The following UBR4 variants were observed in gnomAD, a reference collection of about 807,000 sequenced individuals.
The protein encoded by UBR4 is ubiquitin protein ligase E3 component n-recognin 4, also known as E3 ubiquitin-protein ligase UBR4.
In UBR4, 124 loss-of-function variants were observed where a neutral mutation model predicts 575.6. The observed-to-expected ratio is 0.22, with a 90% CI of 0.19 to 0.25. UBR4 has a LOEUF of 0.25. UBR4 is among the 10% of genes least tolerant of loss of function. UBR4 has a pLI of 1.00. For synonymous variants in UBR4, 2,455 were observed against 2,473.7 expected (o/e 0.99, Z 0.22); for missense variants, 4,818 against 6,478.8 (o/e 0.74, Z 8.80).
chr1:19,086,930 AG>A, intron 99 of UBR4, 109 bp from the exon 100 acceptor site: 14 of 1,466,678 alleles, frequency 9.5e-6, no homozygotes, highest in Non-Finnish European at 1.3e-5. Flanking sequence ...CTTGGGTTTC[AG>A]GTTGCTCTCA....
In UBR4 at chr1:19,117,492, A is replaced by T; in HGVS notation, c.10630-78T>A. On this transcript the variant is annotated intron_variant, in intron 72 of 105. Transcript: ENST00000375254. The surrounding 1 kb of genome is among the most constrained non-coding windows in gnomAD (Gnocchi z 4.0). Reference sequence around the variant, plus strand: ...TTTTAAAAATTCATCAGTGTAACCCACTCTTCATCCACAAGATGAAGTTTC... The same window carrying T: ...TTTTAAAAATTCATCAGTGTAACCCTCTCTTCATCCACAAGATGAAGTTTC... 1.4e-6 allele frequency: 2 copies of T among 1,416,676 alleles called. No individual in the cohort carries two copies. The highest frequency in any genetic ancestry group is 9.7e-7 in the Non-Finnish European group (1 of 1,030,042). 87.8% of individuals were successfully genotyped at this position (1,416,676 alleles called of 1,614,324 possible). A position where few individuals can be genotyped will look rare whatever the true frequency, so the allele number is the denominator to read the frequency against.
Position 19,160,904 on chromosome 1 carries a change from C to T in UBR4, c.5406+13G>A. On this transcript the variant is annotated intron_variant, in intron 38 of 105. Transcript: ENST00000375254. ...ACTCTGTCTGCTTACTAGGGAGCAT[C>T]AGTCAGCCCCACCTGGTTCTGTAAT... 1 of 1,613,100 alleles carries T rather than the reference C, an allele frequency of 6.2e-7. No homozygotes were observed. The highest frequency in any genetic ancestry group is 8.5e-7 in the Non-Finnish European group (1 of 1,179,206).
At chr1:19,204,841 G>A (rs2151796297) in intron 1 of UBR4, among the ~76,000 whole-genome samples, 1 of 152,272 alleles carries the variant, frequency 6.6e-6, no homozygotes, top group South Asian at 2.1e-4. Flanking sequence ...AAGAAACAGT[G>A]TGCATGAGTC....
In UBR4 at chr1:19,153,056, T is replaced by C. The variant is rs1571190372; in HGVS notation, c.6832+245A>G. Among the ~76,000 whole-genome samples the C allele has an allele frequency of 3.3e-5, 5 of 152,260 alleles. 1 individual carries two copies. The highest frequency in any genetic ancestry group is 3.3e-4 in the Admixed American group (5 of 15,302). ...ATTCTCCTAAACCTAGAGAGAACAA[T>C]CTCTCAAATAAGGTCCAGGACATAA... is the stretch of plus-strand genomic sequence containing the variant. On this transcript the variant is annotated intron_variant, in intron 46 of 105. Transcript: ENST00000375254. This position sits in a 1 kb window ranked among gnomAD's most constrained non-coding sequence, Gnocchi z 4.1.
rs560061402 is a variant in UBR4, at chr1:19,141,493, T to G, written c.8342A>C (p.Asn2781Thr). ...SESMVLETAE[N>T]VNNGNPSPLE... ...GGGAGAGGGGTTGCCATTGTTGACATTTTCAGCTGTCTCCAGGACCATCGA... is the reference window on the plus strand; with the variant it reads ...GGGAGAGGGGTTGCCATTGTTGACAGTTTCAGCTGTCTCCAGGACCATCGA... Residue 2781 changes from asparagine to threonine, a missense_variant, in exon 57 of 106, where the codon AAT becomes ACT. Transcript: ENST00000375254. The G allele has an allele frequency of 6.2e-7, 1 of 1,612,460 alleles. No individual in the cohort carries two copies. The highest frequency in any genetic ancestry group is 1.7e-5 in the Admixed American group (1 of 59,886).
At position 19,126,551 on chromosome 1, in the gene UBR4, G is replaced by A; in HGVS notation, c.9333C>T (p.Ser3111=). The part of the protein sequence containing the change: ...VLKSLLEYWK[S]QQNDEEPVAT... ...CCACAGGCTCCTCGTCATTCTGTTG[G>A]CTCTTCCAATATTCCAGCAGTGATT... The change falls in exon 64 of 106, where the codon AGC becomes AGT. Residue 3111 remains serine (S), a synonymous_variant. Coordinates refer to ENST00000375254, the MANE Select transcript of UBR4 (RefSeq NM_020765.3). 2 of 1,614,190 alleles carry A rather than the reference G, an allele frequency of 1.2e-6. No individual in the cohort carries two copies. The highest frequency in any genetic ancestry group is 1.7e-6 in the Non-Finnish European group (2 of 1,180,018).
intron 81 of UBR4, among the ~76,000 whole-genome samples, chr1:19,107,839 A>G (rs1445875387): frequency 6.6e-6 from 1 of 152,200 alleles, no homozygotes; most frequent in Non-Finnish European, 1.5e-5. Flanking sequence ...TTGTTAATTC[A>G]TTGAAAAAGA....
chr1:19,137,955 G>A, intron 60 of UBR4, 52 bp downstream of exon 60: 1 of 1,427,662 alleles, frequency 7.0e-7, no homozygotes, highest in Non-Finnish European at 9.3e-7. Flanking sequence ...TACTATTCCT[G>A]AAATAGTCTC....
intron 90 of UBR4, among the ~76,000 whole-genome samples, chr1:19,099,007 G>C (rs1329972991): frequency 6.6e-6 from 1 of 152,168 alleles, no homozygotes; most frequent in East Asian, 1.9e-4. Flanking sequence ...AAGAAAGGAG[G>C]GAAAGGTGAA....
rs751677593 is a variant in UBR4 at position 19,081,577 on chromosome 1, G to C, written c.15009-4C>G. Reference sequence around the variant, plus strand: ...TTCTCGGGAAGTTGCTCGGGTTCTAGAAGAAAAGCGGCATGATAAAATAAA... The same window carrying C: ...TTCTCGGGAAGTTGCTCGGGTTCTACAAGAAAAGCGGCATGATAAAATAAA... On this transcript the variant is annotated splice_region_variant and splice_polypyrimidine_tract_variant and intron_variant, in intron 102 of 105. Coordinates refer to ENST00000375254, the MANE Select transcript of UBR4 (RefSeq NM_020765.3). The C allele has an allele frequency of 1.4e-5, 22 of 1,614,002 alleles. 1 individual carries two copies. In the South Asian group the frequency reaches 2.4e-4, roughly 18 times the overall value.
intron 100 of UBR4, 65 bp downstream of exon 100, chr1:19,086,614 C>A (rs538200109): frequency 1.3e-6 from 2 of 1,589,192 alleles, no homozygotes; most frequent in South Asian, 2.3e-5. Flanking sequence ...GGATGGCAGT[C>A]CCACCCGCTC....
At position 19,171,041 on chromosome 1, in the gene UBR4, T is replaced by A. The variant is rs373101792; in HGVS notation, c.3522-158A>T. Reference sequence around the variant, plus strand: ...CCTTCCTGGTCTCTAAGAATTCCAATGGGTAATCATTTCCCAAAGAATGTC... The same window carrying A: ...CCTTCCTGGTCTCTAAGAATTCCAAAGGGTAATCATTTCCCAAAGAATGTC... On this transcript the variant is annotated intron_variant, in intron 25 of 105. Coordinates refer to ENST00000375254, the MANE Select transcript of UBR4 (RefSeq NM_020765.3). Among the ~76,000 whole-genome samples the A allele has an allele frequency of 3.9e-5, 6 of 152,262 alleles. No individual in the cohort carries two copies. The South Asian group carries it at 1.0e-3, about 26-fold the overall frequency.
chr1:19,143,236 C>CAGGCAGGA (rs2084239404), intron 55 of UBR4, among the ~76,000 whole-genome samples: 2 of 83,002 alleles, frequency 2.4e-5, no homozygotes, highest in African/African-American at 4.3e-5. Context: ...GGAAGGAAGG[C>CAGGCAGGA]AGGAAGGAAG....
chr1:19,172,897 A>T lies in UBR4; in HGVS notation c.3488T>A (p.Leu1163Gln). The T allele has an allele frequency of 6.2e-7, 1 of 1,614,224 alleles. No homozygotes were observed. Among genetic ancestry groups the T allele is most frequent in the Non-Finnish European group, 8.5e-7 (1 of 1,180,038 alleles). The change falls in exon 25 of 106, where the codon CTG becomes CAG. Residue 1163 changes from leucine (L) to glutamine (Q), a missense_variant. Physicochemically the swap from Leu to Gln is moderately radical, Grantham distance 113. Around this residue, in one of 29 missense-constraint regions of UBR4, gnomAD observed 1,172 missense variants for 1,259.7 expected, o/e 0.93. Coordinates refer to ENST00000375254, the MANE Select transcript of UBR4 (RefSeq NM_020765.3). ...CGATGCATAGGTGTCAATGAGTTGCAGCGTGGCTGGAAGTAGGTTCTTGGT... is the reference window on the plus strand; with the variant it reads ...CGATGCATAGGTGTCAATGAGTTGCTGCGTGGCTGGAAGTAGGTTCTTGGT... ...EITKNLLPAT[L>Q]QLIDTYASFT...
rs776520734 is a variant in UBR4, at chr1:19,173,543, T to G, written c.3061A>C (p.Asn1021His). The change falls in exon 23 of 106, where the codon AAC becomes CAC. Residue 1021 changes from asparagine (N) to histidine (H), a missense_variant. By Grantham distance (68) the Asn-to-His change is moderately conservative. Around this residue, in one of 29 missense-constraint regions of UBR4, gnomAD observed 1,172 missense variants for 1,259.7 expected, o/e 0.93. Coordinates refer to ENST00000375254, the MANE Select transcript of UBR4 (RefSeq NM_020765.3). ...TCAGGTGAGTTCATGGATAGCTGGT[T>G]AATGTAAGTCTTTGATGGTGGTAAA... ...GILPPSKTYINQLSMNSPEMS... is the reference protein window; with the variant it reads ...GILPPSKTYIHQLSMNSPEMS... 2 of 1,614,174 alleles carry G rather than the reference T, an allele frequency of 1.2e-6. No homozygotes were observed. The highest frequency in any genetic ancestry group is 1.7e-6 in the Non-Finnish European group (2 of 1,180,030).
chr1:19,084,787 A>C, intron 101 of UBR4, 89 bp from the exon 102 acceptor site: 1 of 1,283,070 alleles, frequency 7.8e-7, no homozygotes, highest in Non-Finnish European at 1.1e-6. Flanking sequence ...CAGTACTCCC[A>C]GGCCTGATGG....
Position 19,074,725 on chromosome 1 carries a change from G to A in UBR4, c.*107C>T. On this transcript the variant is annotated 3_prime_UTR_variant, in exon 106 of 106. Coordinates refer to ENST00000375254, the MANE Select transcript of UBR4 (RefSeq NM_020765.3). The stretch of plus-strand genomic sequence containing the variant: ...AGAAAAATGAGAGAGGGGAGGGCGG[G>A]GTAACAATGCAGCATCCCGCGGAGG... 2 of 1,287,786 alleles carry A rather than the reference G, an allele frequency of 1.6e-6. No individual in the cohort carries two copies. The highest frequency in any genetic ancestry group is 2.2e-6 in the Non-Finnish European group (2 of 906,244). 79.8% of individuals were successfully genotyped at this position (1,287,786 alleles called of 1,614,324 possible).
At chr1:19,187,655 C>A in intron 11 of UBR4, 115 bp from the exon 12 acceptor site, 1 of 944,542 alleles carries the variant, frequency 1.1e-6, no homozygotes, top group Non-Finnish European at 1.6e-6. Context: ...ACTCTGTGGA[C>A]CTTCAGAAAA....
At chr1:19,126,418 T>A (rs201341765) in intron 64 of UBR4, 28 bp downstream of exon 64, 1 of 1,613,270 alleles carries the variant, frequency 6.2e-7, no homozygotes, top group Non-Finnish European at 8.5e-7. Context: ...AAAGGACGAG[T>A]GTTTCTTTGA....
Sources: gnomAD v4.1 joint callset for allele counts (sites outside exome capture counted in the v4.1 genomes callset) on GRCh38, gnomAD v4.1.1 for gene constraint, gnomAD v4.1.1 regional missense constraint, Gnocchi (gnomAD v3.1) non-coding constraint, MANE v1.5 for transcripts, NCBI Gene and HGNC (gene_info 2026-07-23, HGNC 2026-07-21) for gene names.